The following CCDC141 variants were observed in gnomAD, a reference collection of about 807,000 sequenced individuals.
CCDC141 encodes the protein coiled-coil domain containing 141.
In CCDC141, 168 loss-of-function variants were observed where a neutral mutation model predicts 181.0. The observed-to-expected ratio is 0.93, with a 90% confidence interval of 0.82 to 1.05. The LOEUF (loss-of-function observed/expected upper bound fraction) is 1.05, where lower values mean the gene tolerates loss of function less well. Ranked by LOEUF, CCDC141 falls within the 50% of genes least tolerant of loss-of-function variation. The pLI is 0.00. For synonymous variants in CCDC141, 666 were observed against 642.3 expected (o/e 1.04, Z -0.56); for missense variants, 1,902 against 1,788.5 (o/e 1.06, Z -1.14).
intron 2 of CCDC141, among the ~76,000 whole-genome samples, chr2:178,989,269 T>A (rs1691909987): frequency 6.6e-6 from 1 of 152,052 alleles, no homozygotes. Context: ...GCATCTAGTA[T>A]TCAGAATATA....
chr2:178,887,730 T>C (rs1045501074), intron 9 of CCDC141, among the ~76,000 whole-genome samples: 16 of 152,194 alleles, frequency 1.1e-4, no homozygotes, highest in African/African-American at 3.6e-4. Flanking sequence ...GACATTGATA[T>C]TTAATGCCTT....
intron 6 of CCDC141, among the ~76,000 whole-genome samples, chr2:178,942,619 TG>T (rs1689568964): frequency 6.6e-6 from 1 of 152,152 alleles, no homozygotes; most frequent in South Asian, 2.1e-4. Context: ...ACCCATAGAA[TG>T]TACAACACCA....
At chr2:178,929,973 T>C (rs1689038723) in intron 6 of CCDC141, among the ~76,000 whole-genome samples, 2 of 152,098 alleles carry the variant, frequency 1.3e-5, no homozygotes, top group South Asian at 2.1e-4. Context: ...AGCAGCTTTT[T>C]ACAACTAGAC....
intron 2 of CCDC141, among the ~76,000 whole-genome samples, chr2:178,988,706 A>G (rs935662317): frequency 1.3e-5 from 2 of 152,170 alleles, no homozygotes; most frequent in African/African-American, 4.8e-5. Context: ...AGTCAAAACA[A>G]TCTTGAAAAA....
At position 178,922,513 on chromosome 2, in the gene CCDC141, T is replaced by G. The variant is rs76627175; in HGVS notation, c.898-3606A>C. On this transcript the variant is annotated intron_variant, in intron 6 of 23. Coordinates refer to ENST00000443758, the MANE Select transcript of CCDC141 (RefSeq NM_173648.4). The stretch of plus-strand genomic sequence containing the variant: ...ACTTCCACATGGCCTGGACAAGACC[T>G]CGGAGGTGATAAAAATCTTGTATGA... Among the ~76,000 whole-genome samples, 1,322 of 152,278 alleles carry G rather than the reference T, an allele frequency of 8.7e-3. 24 individuals are homozygous for G. The highest frequency in any genetic ancestry group is 0.031 in the African/African-American group (1,271 of 41,542).
At chr2:178,854,254 G>A (rs367858750) in intron 19 of CCDC141, among the ~76,000 whole-genome samples, 1 of 152,222 alleles carries the variant, frequency 6.6e-6, no homozygotes, top group Non-Finnish European at 1.5e-5. Context: ...GCTGGGCGTG[G>A]TGGCTCACGC....
chr2:178,865,696 C>T (rs1685815190), intron 17 of CCDC141, 71 bp downstream of exon 17: 1 of 1,351,352 alleles, frequency 7.4e-7, no homozygotes, highest in Non-Finnish European at 9.7e-7. Flanking sequence ...CAAATGTGGA[C>T]ATTTAGACAC....
chr2:179,005,622 T>G (rs1368556170), intron 2 of CCDC141, among the ~76,000 whole-genome samples: 3 of 152,010 alleles, frequency 2.0e-5, no homozygotes. Context: ...GTGTTTGTGT[T>G]TCTTTCTTTC....
At chr2:178,875,051 A>G (rs1686298285) in intron 12 of CCDC141, 1 of 152,072 alleles carries the variant, frequency 6.6e-6, no homozygotes, top group Admixed American at 6.6e-5. Context: ...ACAGGACTAC[A>G]CTGCAAACAC....
chr2:178,839,331 T>G (rs1684620595), intron 22 of CCDC141, among the ~76,000 whole-genome samples: 2 of 151,458 alleles, frequency 1.3e-5, no homozygotes, highest in African/African-American at 4.9e-5. Context: ...GAGAATCTCT[T>G]GAACCCAGAA....
chr2:178,997,997 T>C (rs1475948296), intron 2 of CCDC141, among the ~76,000 whole-genome samples: 1 of 152,088 alleles, frequency 6.6e-6, no homozygotes, highest in Non-Finnish European at 1.5e-5. Flanking sequence ...TCAAAAACCA[T>C]AAGGTATGGA....
In CCDC141 at chr2:178,861,615, G is replaced by A. The variant is rs149063273; in HGVS notation, c.2724+4152C>T. Among the ~76,000 whole-genome samples, 699 of 143,524 alleles carry A rather than the reference G, an allele frequency of 4.9e-3. 40 individuals carry two copies. In the East Asian group the frequency reaches 0.12, roughly 25 times the overall value. The allele number at this position is 143,524 out of a possible 152,430, so 94.2% of individuals were successfully genotyped here. A position where few individuals can be genotyped will look rare whatever the true frequency, so the allele number is the denominator to read the frequency against. ...CGTACCATTGCACTCCAGCCTGGGC[G>A]ACAGAGTGAGACTCAGTCTCAAAAA... On this transcript the variant is annotated intron_variant, in intron 17 of 23. Transcript: ENST00000443758.
chr2:178,870,377 G>T (rs951561579), intron 14 of CCDC141, among the ~76,000 whole-genome samples: 6 of 152,004 alleles, frequency 3.9e-5, no homozygotes, highest in African/African-American at 9.7e-5. Context: ...GACCTAAAAA[G>T]GGTCTTCAAG....
chr2:178,967,147 G>A (rs1274646082), intron 4 of CCDC141, among the ~76,000 whole-genome samples: 1 of 152,104 alleles, frequency 6.6e-6, no homozygotes, highest in Admixed American at 6.5e-5. Context: ...TGAAAGTGAT[G>A]AGGAGAATGG....
intron 4 of CCDC141, among the ~76,000 whole-genome samples, chr2:178,961,896 G>C (rs528087187): frequency 1.3e-5 from 2 of 152,274 alleles, no homozygotes; most frequent in African/African-American, 2.4e-5. Flanking sequence ...CAATAAATGT[G>C]GTGGCCAGGT....
chr2:178,861,058 A>T (rs1452902504), intron 17 of CCDC141, among the ~76,000 whole-genome samples: 2 of 152,170 alleles, frequency 1.3e-5, no homozygotes, highest in Admixed American at 6.5e-5. Flanking sequence ...CCTCTTACAC[A>T]TACCATCCAG....
intron 22 of CCDC141, 75 bp downstream of exon 22, chr2:178,845,551 T>C (rs574618642): frequency 2.5e-6 from 2 of 811,760 alleles, no homozygotes; most frequent in Admixed American, 4.0e-5. Context: ...CAATTCACTT[T>C]TATTTTGCAA....
At chr2:178,961,935 G>T (rs991248315) in intron 4 of CCDC141, among the ~76,000 whole-genome samples, 1 of 152,138 alleles carries the variant, frequency 6.6e-6, no homozygotes, top group Admixed American at 6.5e-5. Flanking sequence ...ATGACAAAGT[G>T]GAAAATGCTT....
At chr2:178,916,818 T>G (rs1206717240) in intron 7 of CCDC141, among the ~76,000 whole-genome samples, 2 of 152,148 alleles carry the variant, frequency 1.3e-5, no homozygotes, top group Non-Finnish European at 2.9e-5. Context: ...GGCTTTCAAA[T>G]GATAAAATGG....
Sources: gnomAD v4.1 joint callset for allele counts (sites outside exome capture counted in the v4.1 genomes callset) on GRCh38, gnomAD v4.1.1 for gene constraint, MANE v1.5 for transcripts, NCBI Gene and HGNC (gene_info 2026-07-23, HGNC 2026-07-21) for gene names.